SOCS2: variants seen among roughly 807,000 people sequenced by gnomAD.
The protein encoded by SOCS2 is suppressor of cytokine signaling 2, also known as CIS-2.
Under a neutral mutation model 18.6 loss-of-function variants are expected in SOCS2, and 10 were observed. That is an observed-to-expected ratio of 0.54 (90% CI 0.33 to 0.91). SOCS2 has a LOEUF of 0.91. Ranked by LOEUF, SOCS2 falls within the 40% of genes least tolerant of loss-of-function variation. The pLI, the probability that SOCS2 is intolerant of heterozygous loss-of-function variation, is 0.02. For synonymous variants in SOCS2, 104 were observed against 104.0 expected, an observed-to-expected ratio of 1.00 and a Z score of 0.00; for missense variants, 231 against 247.2, an observed-to-expected ratio of 0.93 and a Z score of 0.44.
the SOCS2 span, among the ~76,000 whole-genome samples, chr12:93,594,163 T>A: frequency 6.6e-5 from 10 of 152,226 alleles, no homozygotes; most frequent in Admixed American, 1.3e-4. Flanking sequence ...GTTTCTCAGT[T>A]CAGGTTGTTT....
the SOCS2 span, among the ~76,000 whole-genome samples, chr12:93,613,725 T>C: frequency 6.6e-6 from 1 of 152,216 alleles, no homozygotes; most frequent in Non-Finnish European, 1.5e-5. Flanking sequence ...CTTTCAATAT[T>C]GGTTAAGAAA....
Position 93,574,799 on chromosome 12 carries a change from A to G in SOCS2, c.217A>G (p.Arg73Gly). 6.2e-7 allele frequency: 1 copy of G among 1,614,230 alleles called. No homozygotes were observed. Among genetic ancestry groups the G allele is most frequent in the Non-Finnish European group, 8.5e-7 (1 of 1,180,020 alleles). The change falls in exon 2 of 2, where the codon AGA (arginine) becomes GGA (glycine). Residue 73 changes from arginine (R) to glycine (G), a missense_variant. By Grantham distance (125) the Arg-to-Gly change is moderately radical (BLOSUM62 -2). Transcript: ENST00000551556. ...GGCACCAGAAGGAACTTTCTTGATT[A>G]GAGATAGCTCGCATTCAGACTACCT... ...KEAPEGTFLIRDSSHSDYLLT... is the reference protein window; with the variant it reads ...KEAPEGTFLIGDSSHSDYLLT...
At chr12:93,571,893 G>A (rs1478315197), upstream of SOCS2, 1 of 433,416 alleles carries the variant, frequency 2.3e-6, no homozygotes, top group East Asian at 8.8e-5. Flanking sequence ...AGGCGGCGGC[G>A]GCGGCCGCGG....
the SOCS2 span, among the ~76,000 whole-genome samples, chr12:93,601,130 C>A: frequency 7.6e-5 from 11 of 144,864 alleles, no homozygotes; most frequent in African/African-American, 2.6e-4. Context: ...TTTAAATATA[C>A]CTTCTGTTAG....
At chr12:93,623,797 C>T in the SOCS2 span, among the ~76,000 whole-genome samples, 10 of 152,146 alleles carry the variant, frequency 6.6e-5, no homozygotes, top group East Asian at 7.7e-4. Context: ...CTCCGCCTCC[C>T]GAGCTCAAGC....
At chr12:93,602,395 CA>C in the SOCS2 span, among the ~76,000 whole-genome samples, 3 of 152,268 alleles carry the variant, frequency 2.0e-5, no homozygotes, top group Middle Eastern at 3.4e-3. Context: ...TGTCACTGGC[CA>C]ATCCTCAGTA....
upstream of SOCS2, chr12:93,571,842 C>G (rs1452357135): frequency 4.9e-6 from 2 of 409,442 alleles, no homozygotes; most frequent in African/African-American, 4.3e-5. Flanking sequence ...TTTCCCCCCA[C>G]CCCCCCGCCC....
the SOCS2 span, among the ~76,000 whole-genome samples, chr12:93,609,818 G>C: frequency 6.6e-6 from 1 of 152,168 alleles, no homozygotes; most frequent in South Asian, 2.1e-4. Flanking sequence ...CACAAACTAG[G>C]GTCATTTATA....
At chr12:93,596,113 T>C in the SOCS2 span, among the ~76,000 whole-genome samples, 9,442 of 152,230 alleles carry the variant, frequency 0.062, 483 homozygotes, top group Middle Eastern at 0.15. Context: ...AGGAGAATCC[T>C]TGGGATCAAT....
At chr12:93,626,179 G>C in the SOCS2 span, among the ~76,000 whole-genome samples, 1 of 152,102 alleles carries the variant, frequency 6.6e-6, no homozygotes, top group Non-Finnish European at 1.5e-5. Context: ...CACAGATGCC[G>C]TTCTCTCTTA....
At chr12:93,600,464 C>A in the SOCS2 span, among the ~76,000 whole-genome samples, 1 of 151,826 alleles carries the variant, frequency 6.6e-6, no homozygotes, top group South Asian at 2.1e-4. Context: ...ATTTTTGATT[C>A]TTTACTCTTT....
the SOCS2 span, among the ~76,000 whole-genome samples, chr12:93,619,629 C>T: frequency 6.6e-6 from 1 of 152,016 alleles, no homozygotes; most frequent in Non-Finnish European, 1.5e-5. Context: ...CCTTACTGTC[C>T]CTGTATATGG....
At chr12:93,572,211 G>T (rs551657822), upstream of SOCS2, 163 of 171,950 alleles carry the variant, frequency 9.5e-4, 4 homozygotes, top group South Asian at 0.021. This position sits in a 1 kb window ranked among gnomAD's most constrained non-coding sequence, Gnocchi z 5.0. Flanking sequence ...GCCCCGCAGC[G>T]CTTTAGGGCG....
chr12:93,580,716 CT>C (rs1027991202), downstream of SOCS2, among the ~76,000 whole-genome samples: 47 of 152,188 alleles, frequency 3.1e-4, no homozygotes, highest in African/African-American at 1.1e-3. Flanking sequence ...AACATTCCCC[CT>C]TGCCATCTTG....
chr12:93,573,018 C>A lies in SOCS2; in HGVS notation c.121C>A (p.Arg41=). Reference sequence around the variant, plus strand: ...GGCGGCGCGTCTGGCGAAGGCCCTGCGGGAGCTCGGTCAGACAGGTAGGGA... The same window carrying A: ...GGCGGCGCGTCTGGCGAAGGCCCTGAGGGAGCTCGGTCAGACAGGTAGGGA... ...PQAARLAKAL[R]ELGQTGWYWG... The change falls in exon 1 of 2, where the codon CGG becomes AGG. Residue 41 remains arginine, a synonymous_variant. Transcript: ENST00000551556. 7 of 1,566,554 alleles carry A rather than the reference C, an allele frequency of 4.5e-6. No individual in the cohort carries two copies. Among genetic ancestry groups the A allele is most frequent in the Non-Finnish European group, 6.0e-6 (7 of 1,159,880 alleles).
At chr12:93,595,634 G>A in the SOCS2 span, among the ~76,000 whole-genome samples, 4 of 152,250 alleles carry the variant, frequency 2.6e-5, no homozygotes, top group East Asian at 5.8e-4. Flanking sequence ...AAGAAAAGAC[G>A]TGCTCTCCTT....
the SOCS2 span, among the ~76,000 whole-genome samples, chr12:93,616,162 G>A: frequency 6.6e-6 from 1 of 152,170 alleles, no homozygotes; most frequent in Non-Finnish European, 1.5e-5. Context: ...AGAGCACCAG[G>A]ACTTATGTTC....
At chr12:93,578,884 G>A (rs148853656), downstream of SOCS2, among the ~76,000 whole-genome samples, 7 of 151,990 alleles carry the variant, frequency 4.6e-5, no homozygotes, top group African/African-American at 1.5e-4. Context: ...TATTTCTTCC[G>A]CTGGGATTCA....
chr12:93,614,813 C>T, the SOCS2 span, among the ~76,000 whole-genome samples: 15 of 151,112 alleles, frequency 9.9e-5, no homozygotes, highest in African/African-American at 3.2e-4. Context: ...GGGGTTTCAC[C>T]ATGTTGGCTA....
Sources: allele counts gnomAD v4.1 joint callset (sites outside exome capture counted in the v4.1 genomes callset), GRCh38; gene constraint gnomAD v4.1.1; non-coding constraint Gnocchi (gnomAD v3.1); transcripts MANE v1.5; gene names NCBI Gene and HGNC (gene_info 2026-07-23, HGNC 2026-07-21).